Variants in APBB1 observed in about 807,000 individuals in gnomAD.
APBB1 encodes adaptor protein FE65a2.
Under a neutral mutation model 78.4 loss-of-function variants are expected in APBB1, and 22 were observed. That is an observed-to-expected ratio of 0.28 (90% CI 0.20 to 0.40). The LOEUF (loss-of-function observed/expected upper bound fraction) is 0.40. Ranked by LOEUF, APBB1 falls within the 10% of genes least tolerant of loss-of-function variation. The pLI, the probability that APBB1 is intolerant of heterozygous loss-of-function variation, is 1.00. For missense variants in APBB1, 749 were observed against 932.4 expected, an observed-to-expected ratio of 0.80 and a Z score of 2.56; for synonymous variants, 369 against 372.7, an observed-to-expected ratio of 0.99 and a Z score of 0.12.
At chr11:6,400,260 G>T (rs1254841846) in intron 12 of APBB1, among the ~76,000 whole-genome samples, 1 of 152,194 alleles carries the variant, frequency 6.6e-6, no homozygotes, top group Non-Finnish European at 1.5e-5. Context: ...ACCAGATCAG[G>T]CCAGGCACAG....
chr11:6,407,445 A>G (rs949142954), intron 2 of APBB1, among the ~76,000 whole-genome samples: 4 of 152,192 alleles, frequency 2.6e-5, no homozygotes, highest in Non-Finnish European at 4.4e-5. Flanking sequence ...TCACTGACTC[A>G]CACCCCCTAG....
rs146210544 is a variant in APBB1 at position 6,412,431 on chromosome 11, A to G, written c.-14-1070T>C. The stretch of plus-strand genomic sequence containing the variant: ...CTCCCAAAGTGCTGGGATTACAGGC[A>G]TGAGCCACTGCGTCCGGCCCAGCCT... On this transcript the variant is annotated intron_variant, in intron 1 of 14. Transcript: ENST00000609360. Among the ~76,000 whole-genome samples, 457 of 152,238 alleles carry G rather than the reference A, an allele frequency of 3.0e-3. 5 individuals are homozygous for G. Among genetic ancestry groups the G allele is most frequent in the African/African-American group, 0.01 (436 of 41,538 alleles).
At chr11:6,416,447 C>A (rs1849118108) in intron 1 of APBB1, among the ~76,000 whole-genome samples, 1 of 152,186 alleles carries the variant, frequency 6.6e-6, no homozygotes, top group Non-Finnish European at 1.5e-5. Context: ...CAGACAAGTA[C>A]ATTCAACTTT....
chr11:6,402,309 C>A, intron 7 of APBB1, 100 bp from the exon 8 acceptor site: 1 of 1,534,578 alleles, frequency 6.5e-7, no homozygotes, highest in South Asian at 1.2e-5. Context: ...GCTCTGGGGC[C>A]CCTGCTTTGG....
Position 6,403,878 on chromosome 11 carries a change from G to C in APBB1, c.722-56C>G. 5 of 1,508,784 alleles carry C rather than the reference G, an allele frequency of 3.3e-6. No homozygotes were observed. The highest frequency in any genetic ancestry group is 1.3e-5 in the South Asian group (1 of 74,630). 93.5% of individuals were successfully genotyped at this position (1,508,784 alleles called of 1,614,324 possible). A position where few individuals can be genotyped will look rare whatever the true frequency, so the allele number is the denominator to read the frequency against. The stretch of plus-strand genomic sequence containing the variant: ...CCTACCCAAAGAGCAGACAGCTGGT[G>C]CCTATGCCCGGTCCCCTCTGAGACC... On this transcript the variant is annotated intron_variant, in intron 2 of 14. Coordinates refer to ENST00000609360, the MANE Select transcript of APBB1 (RefSeq NM_001164.5). The surrounding 1 kb of genome is among the most constrained non-coding windows in gnomAD (Gnocchi z 5.3).
intron 2 of APBB1, chr11:6,404,929 C>A (rs547927057): frequency 3.4e-6 from 5 of 1,449,650 alleles, no homozygotes; most frequent in South Asian, 2.9e-5. Context: ...CAGGGCAGAG[C>A]GTCTGCCAGG....
chr11:6,409,432 C>T (rs1324336690), intron 2 of APBB1, among the ~76,000 whole-genome samples: 1 of 152,116 alleles, frequency 6.6e-6, no homozygotes, highest in South Asian at 2.1e-4. Flanking sequence ...GGCCTAGGAA[C>T]GGAAGAGAGC....
At position 6,403,916 on chromosome 11, in the gene APBB1, A is replaced by T; in HGVS notation, c.722-94T>A. On this transcript the variant is annotated intron_variant, in intron 2 of 14. Transcript: ENST00000609360. This position sits in a 1 kb window ranked among gnomAD's most constrained non-coding sequence, Gnocchi z 5.3. Reference sequence around the variant, plus strand: ...CCCCTCTGAGACCCCATGGTTGAGAAGGGGTGGTGGAAGAGCTATACCACA... The same window carrying T: ...CCCCTCTGAGACCCCATGGTTGAGATGGGGTGGTGGAAGAGCTATACCACA... 7.3e-7 allele frequency: 1 copy of T among 1,365,276 alleles called. No individual in the cohort carries two copies. Among genetic ancestry groups the T allele is most frequent in the Admixed American group, 2.5e-5 (1 of 40,026 alleles). The allele number at this position is 1,365,276 out of a possible 1,614,324, so 84.6% of individuals were successfully genotyped here.
intron 1 of APBB1, among the ~76,000 whole-genome samples, chr11:6,413,517 T>C (rs1043068346): frequency 6.6e-6 from 1 of 152,172 alleles, no homozygotes; most frequent in Non-Finnish European, 1.5e-5. Context: ...CCAGGTGCGG[T>C]GCGCCCAGGC....
At chr11:6,404,829 C>G in intron 2 of APBB1, 1 of 1,534,834 alleles carries the variant, frequency 6.5e-7, no homozygotes, top group Non-Finnish European at 8.7e-7. Flanking sequence ...TGCCTCCACC[C>G]TCCCTCCTCA....
chr11:6,415,213 C>A (rs1849089317), intron 1 of APBB1, among the ~76,000 whole-genome samples: 1 of 152,168 alleles, frequency 6.6e-6, no homozygotes, highest in Non-Finnish European at 1.5e-5. Context: ...TGGCTCAAGG[C>A]AGGGAGTTGG....
At chr11:6,415,371 A>T (rs1414707048) in intron 1 of APBB1, among the ~76,000 whole-genome samples, 1 of 152,238 alleles carries the variant, frequency 6.6e-6, no homozygotes, top group Admixed American at 6.5e-5. Context: ...TGTGCTAGAC[A>T]CAGGGGAGAG....
intron 12 of APBB1, among the ~76,000 whole-genome samples, chr11:6,397,329 C>T (rs1203524062): frequency 1.3e-5 from 2 of 152,236 alleles, no homozygotes; most frequent in Non-Finnish European, 2.9e-5. Flanking sequence ...CATCTGACTT[C>T]TAGCTGGATC....
At chr11:6,400,884 C>T in intron 12 of APBB1, 105 bp downstream of exon 12, 1 of 1,066,274 alleles carries the variant, frequency 9.4e-7, no homozygotes, top group Non-Finnish European at 1.5e-6. Flanking sequence ...TAGGGAGACA[C>T]CAAGCATGAG....
chr11:6,396,996 A>G (rs1445034367), intron 12 of APBB1, among the ~76,000 whole-genome samples: 2 of 152,218 alleles, frequency 1.3e-5, no homozygotes, highest in Non-Finnish European at 2.9e-5. Context: ...TTTCCCTTAT[A>G]ACACATGGCC....
In APBB1 at chr11:6,411,024, C is replaced by T. The variant is rs1848950603; in HGVS notation, c.324G>A (p.Leu108=). The T allele has an allele frequency of 6.2e-7, 1 of 1,614,144 alleles. No individual in the cohort carries two copies. The highest frequency in any genetic ancestry group is 1.3e-5 in the African/African-American group (1 of 75,064). The change falls in exon 2 of 15, where the codon TTG becomes TTA. Residue 108 remains leucine, a synonymous_variant. Transcript: ENST00000609360. This position sits in a 1 kb window ranked among gnomAD's most constrained non-coding sequence, Gnocchi z 5.2. ...ACAGGTGTATCAGGCCTTTGGGGCC[C>T]AAGGGTGCCATCTCAGGCTCCTGGC... ...EASQEPEMAP[L]GPKGLIHLYS...
At chr11:6,399,592 A>G (rs545923555) in intron 12 of APBB1, among the ~76,000 whole-genome samples, 1 of 152,332 alleles carries the variant, frequency 6.6e-6, no homozygotes, top group East Asian at 1.9e-4. Context: ...CCAGGACTAC[A>G]GCAAGAGCCT....
In APBB1 at chr11:6,401,830, TG is replaced by T. The variant is rs771191185; in HGVS notation, c.1389-143del. 5.7e-6 allele frequency: 8 copies of T among 1,411,482 alleles called. No individual in the cohort carries two copies. Among genetic ancestry groups the T allele is most frequent in the East Asian group, 2.4e-5 (1 of 42,194 alleles). 87.4% of individuals were successfully genotyped at this position (1,411,482 alleles called of 1,614,324 possible). ...TGGTCCCCCATAGGTGCTGCCTTCT[TG>T]GGGGGGAGGGGTAGACAGGCAAGCA... On this transcript the variant is annotated intron_variant, in intron 9 of 14. Coordinates refer to ENST00000609360, the MANE Select transcript of APBB1 (RefSeq NM_001164.5). The surrounding 1 kb of genome is among the most constrained non-coding windows in gnomAD (Gnocchi z 4.5).
In APBB1 at chr11:6,403,413, G is replaced by C. The variant is rs781498323; in HGVS notation, c.955-9C>G. The C allele has an allele frequency of 1.2e-6, 2 of 1,614,064 alleles. No individual in the cohort carries two copies. The highest frequency in any genetic ancestry group is 1.7e-5 in the Admixed American group (1 of 60,004). On this transcript the variant is annotated splice_polypyrimidine_tract_variant and intron_variant, in intron 4 of 14. Coordinates refer to ENST00000609360, the MANE Select transcript of APBB1 (RefSeq NM_001164.5). This position sits in a 1 kb window ranked among gnomAD's most constrained non-coding sequence, Gnocchi z 5.3. ...TCATCACTGGGTTCATCCTTGGGAAGGGGATTGAGGAATCAGTATCAAAAT... is the reference window on the plus strand; with the variant it reads ...TCATCACTGGGTTCATCCTTGGGAACGGGATTGAGGAATCAGTATCAAAAT...
Sources: gnomAD v4.1 joint callset for allele counts (sites outside exome capture counted in the v4.1 genomes callset) on GRCh38, gnomAD v4.1.1 for gene constraint, Gnocchi (gnomAD v3.1) non-coding constraint, MANE v1.5 for transcripts, NCBI Gene and HGNC (gene_info 2026-07-23, HGNC 2026-07-21) for gene names.